THSD7A: variants seen among roughly 807,000 people sequenced by gnomAD.
THSD7A encodes thrombospondin type 1 domain containing 7A, also known as thrombospondin type-1 domain-containing protein 7A.
THSD7A carries 96 observed loss-of-function variants against 231.3 expected under a neutral mutation model. That is an observed-to-expected ratio of 0.41 (90% CI 0.35 to 0.49). THSD7A has a LOEUF of 0.49. THSD7A is among the 20% of genes least tolerant of loss of function. The pLI, the probability that THSD7A is intolerant of heterozygous loss-of-function variation, is 0.05. For missense variants in THSD7A, 2,290 were observed against 2,070.2 expected (o/e 1.11, Z -2.06); for synonymous variants, 940 against 743.3 (o/e 1.26, Z -4.30).
At chr7:11,386,129 G>A (rs749222752) in intron 23 of THSD7A, among the ~76,000 whole-genome samples, 3 of 152,056 alleles carry the variant, frequency 2.0e-5, no homozygotes, top group South Asian at 2.1e-4. Context: ...ATGGGCATTC[G>A]GGTTGGTTCC....
chr7:11,552,870 T>A (rs1211670477), intron 4 of THSD7A, among the ~76,000 whole-genome samples: 1 of 152,038 alleles, frequency 6.6e-6, no homozygotes, highest in African/African-American at 2.4e-5. Context: ...ATCAAACCAA[T>A]CTGTGAGTCC....
intron 1 of THSD7A, among the ~76,000 whole-genome samples, chr7:11,650,542 C>G (rs1782458217): frequency 6.6e-6 from 1 of 152,056 alleles, no homozygotes. Flanking sequence ...GGATCATTAA[C>G]ATTAATTCCC....
At chr7:11,479,843 A>T (rs570012954) in intron 7 of THSD7A, among the ~76,000 whole-genome samples, 78 of 148,172 alleles carry the variant, frequency 5.3e-4, no homozygotes, top group African/African-American at 1.9e-3. Flanking sequence ...GACAAATAGC[A>T]TTGACAGAGT....
intron 6 of THSD7A, among the ~76,000 whole-genome samples, chr7:11,505,385 G>A (rs1787502781): frequency 1.3e-5 from 2 of 150,810 alleles, no homozygotes; most frequent in East Asian, 3.9e-4. Context: ...GATGATTTCA[G>A]TACTTAAAAG....
intron 4 of THSD7A, among the ~76,000 whole-genome samples, chr7:11,588,322 G>A (rs1446684247): frequency 6.6e-6 from 1 of 152,044 alleles, no homozygotes; most frequent in Non-Finnish European, 1.5e-5. Flanking sequence ...GTCTAAATTT[G>A]GTGGAATAAA....
At chr7:11,758,010 C>CAT (rs3037680) in intron 1 of THSD7A, among the ~76,000 whole-genome samples, 6,607 of 142,622 alleles carry the variant, frequency 0.046, 144 homozygotes, top group Non-Finnish European at 0.051. Context: ...CATATGCATT[C>CAT]ATATATATAT....
chr7:11,792,584 G>T (rs1025811668), intron 1 of THSD7A, among the ~76,000 whole-genome samples: 1 of 151,876 alleles, frequency 6.6e-6, no homozygotes, highest in African/African-American at 2.4e-5. Context: ...CTGATCATTT[G>T]TTCAGCCTGC....
intron 1 of THSD7A, among the ~76,000 whole-genome samples, chr7:11,677,766 G>T (rs919826776): frequency 6.6e-6 from 1 of 151,992 alleles, no homozygotes; most frequent in Non-Finnish European, 1.5e-5. Flanking sequence ...ACACCACACT[G>T]TCAGTATTAG....
intron 6 of THSD7A, among the ~76,000 whole-genome samples, chr7:11,486,170 T>G (rs960095303): frequency 2.6e-5 from 4 of 152,218 alleles, no homozygotes; most frequent in Admixed American, 2.6e-4. Flanking sequence ...ATCTTACTTA[T>G]AAGAACTTAC....
chr7:11,459,663 GGATTTT>G (rs1785427902), intron 11 of THSD7A, among the ~76,000 whole-genome samples: 2 of 133,118 alleles, frequency 1.5e-5, no homozygotes, highest in Admixed American at 7.9e-5. Context: ...TAAAAACAGG[GGATTTT>G]TTTTTTTTTT....
At chr7:11,775,835 T>C (rs1319042465) in intron 1 of THSD7A, among the ~76,000 whole-genome samples, 2 of 152,186 alleles carry the variant, frequency 1.3e-5, no homozygotes, top group African/African-American at 2.4e-5. Flanking sequence ...GTACATTTAG[T>C]GTTATGAATA....
At chr7:11,434,152 G>T (rs533143032) in intron 13 of THSD7A, among the ~76,000 whole-genome samples, 1 of 151,970 alleles carries the variant, frequency 6.6e-6, no homozygotes, top group East Asian at 1.9e-4. Flanking sequence ...ACAATCATGG[G>T]GGATGGAAAG....
chr7:11,405,532 T>C (rs898453384), intron 22 of THSD7A, among the ~76,000 whole-genome samples: 7 of 152,182 alleles, frequency 4.6e-5, no homozygotes, highest in Admixed American at 2.0e-4. Context: ...CCCCTATCTA[T>C]ACCTTGTTCA....
rs939165358 is a variant in THSD7A at position 11,637,592 on chromosome 7, C to T, written c.191-631G>A. ...GCCTTTAAATTTACCAAATTTCCCC[C>T]CCATTTCCCAAGTGAAGTATAGAGC... is the stretch of plus-strand genomic sequence containing the variant. On this transcript the variant is annotated intron_variant, in intron 1 of 27. Coordinates refer to ENST00000423059, the MANE Select transcript of THSD7A (RefSeq NM_015204.3). This position sits in a 1 kb window ranked among gnomAD's most constrained non-coding sequence, Gnocchi z 4.2. Among the ~76,000 whole-genome samples the T allele has an allele frequency of 2.6e-5, 4 of 152,132 alleles. No individual in the cohort carries two copies. The highest frequency in any genetic ancestry group is 4.8e-5 in the African/African-American group (2 of 41,416).
chr7:11,477,287 C>T (rs930838569), intron 7 of THSD7A, among the ~76,000 whole-genome samples: 1 of 152,164 alleles, frequency 6.6e-6, no homozygotes, highest in Non-Finnish European at 1.5e-5. Context: ...TGTACAATGT[C>T]TTCCAATTAG....
At position 11,654,676 on chromosome 7, in the gene THSD7A, T is replaced by C. The variant is rs749664285; in HGVS notation, c.191-17715A>G. 2.8e-4 allele frequency among the ~76,000 whole-genome samples: 43 copies of C among 151,944 alleles called. 1 individual carries two copies. The highest frequency in any genetic ancestry group is 1.2e-3 in the Admixed American group (18 of 15,202). On this transcript the variant is annotated intron_variant, in intron 1 of 27. Transcript: ENST00000423059. ...TATTAAATAGCCATAACTTAAAAAA[T>C]ATATTAGTATTGGTTTATGTGGCCA...
At chr7:11,418,245 T>C (rs1784026713) in intron 16 of THSD7A, among the ~76,000 whole-genome samples, 1 of 152,230 alleles carries the variant, frequency 6.6e-6, no homozygotes, top group Non-Finnish European at 1.5e-5. Context: ...TGGTATCGCA[T>C]AGGTTCTCTA....
chr7:11,496,620 CAAAT>C (rs1787112089), intron 6 of THSD7A, among the ~76,000 whole-genome samples: 1 of 152,114 alleles, frequency 6.6e-6, no homozygotes, highest in Admixed American at 6.6e-5. Flanking sequence ...CTAAGGAACA[CAAAT>C]AAATTACACT....
chr7:11,820,868 C>G, intron 1 of THSD7A: 1 of 921,494 alleles, frequency 1.1e-6, no homozygotes, highest in Non-Finnish European at 1.8e-6. Flanking sequence ...TCTCAGCTGA[C>G]CTTTCCCTCG....
Sources: allele counts gnomAD v4.1 joint callset (sites outside exome capture counted in the v4.1 genomes callset), GRCh38; gene constraint gnomAD v4.1.1; non-coding constraint Gnocchi (gnomAD v3.1); transcripts MANE v1.5; gene names NCBI Gene and HGNC (gene_info 2026-07-23, HGNC 2026-07-21).